LATS1: variants seen among roughly 807,000 people sequenced by gnomAD.
LATS1 encodes serine/threonine-protein kinase LATS1.
Under a neutral mutation model 106.6 loss-of-function variants are expected in LATS1, and 25 were observed. The ratio of observed to expected loss-of-function variants is 0.23; its 90% CI spans 0.17 to 0.33. The LOEUF (loss-of-function observed/expected upper bound fraction) is 0.33. Ranked by LOEUF, LATS1 falls within the 10% of genes least tolerant of loss-of-function variation. LATS1 has a pLI of 1.00. For synonymous variants in LATS1, 465 were observed against 455.6 expected (o/e 1.02, Z -0.26); for missense variants, 1,040 against 1,382.6 (o/e 0.75, Z 3.93).
chr6:149,687,873 CTTTTTTT>C (rs1040108644), intron 3 of LATS1, among the ~76,000 whole-genome samples: 20 of 133,866 alleles, frequency 1.5e-4, no homozygotes, highest in Non-Finnish European at 2.9e-4. Context: ...TGACCCTCCT[CTTTTTTT>C]TTTTTTTTTT....
intron 1 of LATS1, among the ~76,000 whole-genome samples, chr6:149,707,224 C>G (rs951485657): frequency 6.6e-6 from 1 of 151,972 alleles, no homozygotes; most frequent in Admixed American, 6.6e-5. Context: ...CCATGTAGGT[C>G]AGGCTGGTCT....
chr6:149,680,689 T>C (rs1302063618), intron 4 of LATS1, among the ~76,000 whole-genome samples: 1 of 143,266 alleles, frequency 7.0e-6, no homozygotes, highest in Admixed American at 7.4e-5. Flanking sequence ...AGCTGTGGAG[T>C]GCAAGAAGAG....
intron 7 of LATS1, among the ~76,000 whole-genome samples, chr6:149,668,549 C>T (rs1781281734): frequency 6.6e-6 from 1 of 151,108 alleles, no homozygotes; most frequent in Admixed American, 6.6e-5. Context: ...TCAAGTGATC[C>T]TCTTGTGTCT....
chr6:149,709,055 T>C (rs567719258), intron 1 of LATS1, among the ~76,000 whole-genome samples: 53 of 152,194 alleles, frequency 3.5e-4, no homozygotes, highest in African/African-American at 1.2e-3. Context: ...AAACTGGAGG[T>C]GGGCTAACTG....
At position 149,683,755 on chromosome 6, in the gene LATS1, G is replaced by A. The variant is rs1392085429; in HGVS notation, c.1334C>T (p.Pro445Leu). Residue 445 changes from proline to leucine, a missense_variant, in exon 4 of 8, where the codon CCG (proline) becomes CTG (leucine). Physicochemically the swap from Pro to Leu is moderately conservative, Grantham distance 98. Around this residue, in one of 7 missense-constraint regions of LATS1, gnomAD observed 624 missense variants for 714.8 expected, o/e 0.87. Coordinates refer to ENST00000543571, the MANE Select transcript of LATS1 (RefSeq NM_004690.4). The stretch of plus-strand genomic sequence containing the variant: ...TGTAGGGATTTCATGCCCACTGCTC[G>A]GGGATGACTGGGCTGGAGCAGAAGA... ...QSSSAPAQSSPSSGHEIPTWQ... is the reference protein window; with the variant it reads ...QSSSAPAQSSLSSGHEIPTWQ... 83 of 1,613,660 alleles carry A rather than the reference G, an allele frequency of 5.1e-5. No homozygotes were observed. Among genetic ancestry groups the A allele is most frequent in the Non-Finnish European group, 6.7e-5 (79 of 1,179,988 alleles).
chr6:149,705,676 C>T (rs928737430), intron 1 of LATS1, among the ~76,000 whole-genome samples: 5 of 152,002 alleles, frequency 3.3e-5, no homozygotes, highest in Admixed American at 2.6e-4. Flanking sequence ...TATAATGGGA[C>T]CTGGTCACCA....
intron 7 of LATS1, 119 bp downstream of exon 7, chr6:149,676,141 T>C: frequency 1.4e-6 from 1 of 708,258 alleles, no homozygotes. Context: ...TGTGAGCCAC[T>C]GCACCCGGCC....
chr6:149,686,952 A>C (rs188268209), intron 3 of LATS1, among the ~76,000 whole-genome samples: 2 of 152,156 alleles, frequency 1.3e-5, no homozygotes, highest in Non-Finnish European at 2.9e-5. Flanking sequence ...GGTATTACTC[A>C]TATCTGCTCT....
At chr6:149,677,429 A>G (rs1283630339) in intron 5 of LATS1, among the ~76,000 whole-genome samples, 1 of 152,260 alleles carries the variant, frequency 6.6e-6, no homozygotes, top group East Asian at 1.9e-4. Context: ...GAAATGCGGC[A>G]GGAATACATG....
At chr6:149,711,949 T>C (rs982782418) in intron 1 of LATS1, among the ~76,000 whole-genome samples, 2 of 151,632 alleles carry the variant, frequency 1.3e-5, no homozygotes, top group African/African-American at 4.8e-5. Context: ...GGAAGGGAGA[T>C]AGAGAGGAGA....
chr6:149,661,656 ACT>A lies in LATS1; in HGVS notation c.*71_*72del, dbSNP rs1780890271. On this transcript the variant is annotated 3_prime_UTR_variant, in exon 8 of 8. Coordinates refer to ENST00000543571, the MANE Select transcript of LATS1 (RefSeq NM_004690.4). ...AGCTCTGTCATATTTGCATAATTTT[ACT>A]CTCAGAACCTCAAAACACCTCGCAT... The A allele has an allele frequency of 7.7e-7, 1 of 1,295,982 alleles. No homozygotes were observed. The highest frequency in any genetic ancestry group is 1.1e-6 in the Non-Finnish European group (1 of 946,910). 80.3% of individuals were successfully genotyped at this position (1,295,982 alleles called of 1,614,324 possible).
intron 1 of LATS1, among the ~76,000 whole-genome samples, chr6:149,714,460 G>C (rs998000703): frequency 6.6e-6 from 1 of 152,126 alleles, no homozygotes; most frequent in African/African-American, 2.4e-5. Flanking sequence ...TCATTCAATA[G>C]ACAATGCAAT....
chr6:149,701,006 C>T (rs541970035), intron 2 of LATS1, among the ~76,000 whole-genome samples: 1 of 152,224 alleles, frequency 6.6e-6, no homozygotes, highest in South Asian at 2.1e-4. Context: ...TGGTCTGGAA[C>T]TCTTGACCTC....
chr6:149,672,717 G>A lies in LATS1; in HGVS notation c.2883+3543C>T, dbSNP rs566757699. Among the ~76,000 whole-genome samples the A allele has an allele frequency of 1.5e-3, 225 of 151,994 alleles. 3 individuals are homozygous for A. Among genetic ancestry groups the A allele is most frequent in the African/African-American group, 5.2e-3 (214 of 41,362 alleles). On this transcript the variant is annotated intron_variant, in intron 7 of 7. Transcript: ENST00000543571. ...TCCCAGCACTTTGGGAGGCCGAGGT[G>A]GGTGGACCACCTGAGGTCAGGAGTT...
In LATS1 at chr6:149,683,473, T is replaced by C. The variant is rs1283527874; in HGVS notation, c.1616A>G (p.Asn539Ser). 1 of 1,614,066 alleles carries C rather than the reference T, an allele frequency of 6.2e-7. No individual in the cohort carries two copies. Among genetic ancestry groups the C allele is most frequent in the Non-Finnish European group, 8.5e-7 (1 of 1,180,050 alleles). Residue 539 changes from asparagine (N) to serine (S), a missense_variant, in exon 4 of 8, where the codon AAT (asparagine) becomes AGT (serine). Around this residue, in one of 7 missense-constraint regions of LATS1, gnomAD observed 624 missense variants for 714.8 expected, o/e 0.87. Coordinates refer to ENST00000543571, the MANE Select transcript of LATS1 (RefSeq NM_004690.4). ...AGCAACAGGTGGCATCACAGTCACA[T>C]TTGAAGCGGTTCCCTCAGGAAAAGG... ...PSPFPEGTAS[N>S]VTVMPPVAEA...
intron 7 of LATS1, among the ~76,000 whole-genome samples, chr6:149,667,321 C>T (rs904444387): frequency 2.0e-5 from 3 of 151,186 alleles, no homozygotes; most frequent in African/African-American, 4.9e-5. Flanking sequence ...ACAGTCCCAG[C>T]GACTCAGGAG....
At chr6:149,676,534 T>C in intron 6 of LATS1, 21 bp downstream of exon 6, 4 of 1,608,222 alleles carry the variant, frequency 2.5e-6, no homozygotes, top group East Asian at 2.2e-5. Flanking sequence ...ACTGAGAATA[T>C]ATATGAAAGA....
intron 3 of LATS1, among the ~76,000 whole-genome samples, chr6:149,687,099 T>TA (rs1221004298): frequency 3.3e-5 from 5 of 151,800 alleles, no homozygotes; most frequent in Admixed American, 6.6e-5. Flanking sequence ...ATTTTTATTT[T>TA]TTTTTTTTTG....
intron 7 of LATS1, among the ~76,000 whole-genome samples, chr6:149,672,091 C>T (rs1781471019): frequency 1.3e-5 from 2 of 151,804 alleles, no homozygotes; most frequent in Admixed American, 6.6e-5. Flanking sequence ...TGGGGTTTCG[C>T]CAAGTTGGCC....
Sources: allele counts gnomAD v4.1 joint callset (sites outside exome capture counted in the v4.1 genomes callset), GRCh38; gene constraint gnomAD v4.1.1; regional missense constraint gnomAD v4.1.1; transcripts MANE v1.5; gene names NCBI Gene and HGNC (gene_info 2026-07-23, HGNC 2026-07-21).